SLIT3: variants seen among roughly 807,000 people sequenced by gnomAD.
The protein encoded by SLIT3 is slit guidance ligand 3, also known as slit homolog 3 protein.
SLIT3 carries 68 observed loss-of-function variants against 184.0 expected under a neutral mutation model. That is an observed-to-expected ratio of 0.37 (90% CI 0.30 to 0.45). SLIT3 has a LOEUF of 0.45. Among genes scored for constraint, SLIT3 ranks in the 20% least tolerant of loss-of-function variants. The pLI is 1.00. For missense variants in SLIT3, 1,707 were observed against 2,026.0 expected, an observed-to-expected ratio of 0.84 and a Z score of 3.02; for synonymous variants, 831 against 828.6, an observed-to-expected ratio of 1.00 and a Z score of -0.05.
At chr5:169,131,353 C>G (rs546720496) in intron 4 of SLIT3, among the ~76,000 whole-genome samples, 1 of 152,138 alleles carries the variant, frequency 6.6e-6, no homozygotes, top group Non-Finnish European at 1.5e-5. Context: ...GGTTCTCAGG[C>G]CCCAGCCAGA....
chr5:168,888,259 G>A (rs1415779049), intron 4 of SLIT3, among the ~76,000 whole-genome samples: 2 of 152,222 alleles, frequency 1.3e-5, no homozygotes, highest in Non-Finnish European at 2.9e-5. Context: ...GGCTTCTGCA[G>A]CCCTGCATCA....
At chr5:169,152,137 GGT>G (rs1286098383) in intron 4 of SLIT3, among the ~76,000 whole-genome samples, 4 of 152,152 alleles carry the variant, frequency 2.6e-5, no homozygotes, top group Non-Finnish European at 5.9e-5. Flanking sequence ...ATGTGATTAT[GGT>G]ACAAAGAGCC....
At chr5:168,762,746 G>C (rs1755204052) in intron 14 of SLIT3, 57 bp from the exon 15 acceptor site, 2 of 1,579,338 alleles carry the variant, frequency 1.3e-6, no homozygotes, top group Middle Eastern at 1.9e-4. Context: ...CACAGCCCCA[G>C]GTTGTGGGTA....
intron 14 of SLIT3, among the ~76,000 whole-genome samples, chr5:168,765,201 A>G (rs1011071403): frequency 1.3e-5 from 2 of 152,212 alleles, no homozygotes; most frequent in African/African-American, 4.8e-5. Flanking sequence ...CGCCTATTAA[A>G]TGCATTTTCA....
At chr5:168,709,672 G>A (rs1762486699) in intron 25 of SLIT3, among the ~76,000 whole-genome samples, 1 of 146,570 alleles carries the variant, frequency 6.8e-6, no homozygotes, top group Non-Finnish European at 1.5e-5. Context: ...ACACACTAAA[G>A]TTTGAGAGGG....
Position 169,181,557 on chromosome 5 carries a change from T to C in SLIT3, c.413+11922A>G, listed in dbSNP as rs1026369805. The stretch of plus-strand genomic sequence containing the variant: ...GAGATCGAGACCATCCTGGCCAACA[T>C]GGTGAAACCCTGTCTCTACTAAAAA... On this transcript the variant is annotated intron_variant, in intron 4 of 35. Coordinates refer to ENST00000519560, the MANE Select transcript of SLIT3 (RefSeq NM_003062.4). Among the ~76,000 whole-genome samples, 6 of 152,092 alleles carry C rather than the reference T, an allele frequency of 3.9e-5. No homozygotes were observed. In the East Asian group the frequency reaches 7.7e-4, roughly 20 times the overall value.
chr5:169,161,930 T>TAC (rs1762494126), intron 4 of SLIT3, among the ~76,000 whole-genome samples: 1 of 152,222 alleles, frequency 6.6e-6, no homozygotes, highest in Admixed American at 6.5e-5. Context: ...GAGGGACTAC[T>TAC]ACCTAGCCTT....
At chr5:168,685,952 G>A (rs1438120511) in intron 30 of SLIT3, 25 bp from the exon 31 acceptor site, 2 of 1,588,792 alleles carry the variant, frequency 1.3e-6, no homozygotes, top group Non-Finnish European at 1.7e-6. Context: ...AGAATGGGGA[G>A]GGAGATAGGA....
At chr5:168,718,906 A>G (rs1762849108) in intron 23 of SLIT3, among the ~76,000 whole-genome samples, 1 of 152,226 alleles carries the variant, frequency 6.6e-6, no homozygotes, top group South Asian at 2.1e-4. Context: ...GTTTAATTAA[A>G]AGAATGAAAC....
rs41283173 is a variant in SLIT3, at chr5:168,687,157, G to A, written c.3177-41C>T. 3,399 of 1,601,904 alleles carry A rather than the reference G, an allele frequency of 2.1e-3. 8 individuals carry two copies. The highest frequency in any genetic ancestry group is 2.3e-3 in the Non-Finnish European group (2,743 of 1,169,636). On this transcript the variant is annotated intron_variant, in intron 29 of 35. Transcript: ENST00000519560. ...AGGCAAGGCCGTTCCTCAAGGCAAA[G>A]CCAGCTTGCAGGCAGTCACTCTCCA...
rs1018634104 is a variant in SLIT3, at chr5:169,005,834, C to T, written c.414-122498G>A. 3.3e-5 allele frequency among the ~76,000 whole-genome samples: 5 copies of T among 152,218 alleles called. 1 individual carries two copies. The highest frequency in any genetic ancestry group is 2.0e-4 in the Admixed American group (3 of 15,290). ...CTTTGGAGCTCTGGGGGAAACGCAG[C>T]GCAAAAGGCTTCAAAGGCAACCTAT... On this transcript the variant is annotated intron_variant, in intron 4 of 35. Coordinates refer to ENST00000519560, the MANE Select transcript of SLIT3 (RefSeq NM_003062.4).
chr5:168,874,245 T>A (rs1759649362), intron 5 of SLIT3, among the ~76,000 whole-genome samples: 2 of 152,232 alleles, frequency 1.3e-5, no homozygotes, highest in African/African-American at 4.8e-5. Flanking sequence ...ATAGTCTCCA[T>A]TATCCTGAAA....
At chr5:168,672,906 C>T (rs1761297985) in intron 33 of SLIT3, among the ~76,000 whole-genome samples, 2 of 152,170 alleles carry the variant, frequency 1.3e-5, no homozygotes, top group Non-Finnish European at 2.9e-5. Context: ...AGAGCCTAGA[C>T]CCTGCTTCCA....
chr5:169,048,310 G>A (rs1026929964), intron 4 of SLIT3, among the ~76,000 whole-genome samples: 1 of 152,174 alleles, frequency 6.6e-6, no homozygotes, highest in Non-Finnish European at 1.5e-5. Flanking sequence ...CTGACCAGTG[G>A]GATGAGGTGT....
chr5:169,273,337 G>C (rs1384311052), intron 1 of SLIT3, among the ~76,000 whole-genome samples: 4 of 152,198 alleles, frequency 2.6e-5, no homozygotes, highest in Admixed American at 1.3e-4. Context: ...TCATCTCAGA[G>C]AGAGAGATGA....
At chr5:169,128,395 C>T (rs1761164675) in intron 4 of SLIT3, among the ~76,000 whole-genome samples, 1 of 151,760 alleles carries the variant, frequency 6.6e-6, no homozygotes, top group African/African-American at 2.4e-5. Context: ...TTTTTCTGGG[C>T]TCTTCCATCC....
intron 4 of SLIT3, among the ~76,000 whole-genome samples, chr5:168,893,570 T>C (rs562555629): frequency 7.9e-5 from 12 of 152,194 alleles, no homozygotes; most frequent in Non-Finnish European, 1.5e-4. Flanking sequence ...GCCCGAAAGC[T>C]GGAGCCAAGC....
chr5:168,689,828 G>C (rs1312968106), intron 29 of SLIT3, among the ~76,000 whole-genome samples: 1 of 152,142 alleles, frequency 6.6e-6, no homozygotes, highest in Non-Finnish European at 1.5e-5. Flanking sequence ...AGATGAAGGA[G>C]ATAAAATGAT....
intron 9 of SLIT3, among the ~76,000 whole-genome samples, chr5:168,799,130 G>T (rs61644210): frequency 0.11 from 17,478 of 152,208 alleles, 1,305 homozygotes; most frequent in African/African-American, 0.21. Context: ...CATGTGTGCA[G>T]GTTCACATGC....
Sources: allele counts gnomAD v4.1 joint callset (sites outside exome capture counted in the v4.1 genomes callset), GRCh38; gene constraint gnomAD v4.1.1; transcripts MANE v1.5; gene names NCBI Gene and HGNC (gene_info 2026-07-23, HGNC 2026-07-21).